The following FN1 variants were observed in gnomAD, a reference collection of about 807,000 sequenced individuals.
FN1 encodes the protein fibronectin 1, also known as fibronectin.
Under a neutral mutation model 297.3 loss-of-function variants are expected in FN1, and 106 were observed. The observed-to-expected ratio is 0.36, with a 90% confidence interval of 0.30 to 0.42. FN1 has a LOEUF of 0.42. Among genes scored for constraint, FN1 ranks in the 10% least tolerant of loss-of-function variants. The pLI, the probability that FN1 is intolerant of heterozygous loss-of-function variation, is 1.00. For missense variants in FN1, 2,690 were observed against 3,124.9 expected (o/e 0.86, Z 3.32); for synonymous variants, 1,149 against 1,152.6 (o/e 1.00, Z 0.06).
chr2:215,361,584 G>A lies in FN1; in HGVS notation c.7405C>T (p.Gln2469Ter). The A allele has an allele frequency of 6.2e-7, 1 of 1,611,986 alleles. No individual in the cohort carries two copies. Among genetic ancestry groups the A allele is most frequent in the Non-Finnish European group, 8.5e-7 (1 of 1,178,194 alleles). ...TCTCGGGAATCTTCTCTGTCAGCCT[G>A]TACATCTAAAGGCATGAAGCACTCA... ...PIECFMPLDVQADREDSRE is the reference protein window; with the variant it reads ...PIECFMPLDV The change falls in exon 46 of 46, where the codon CAG becomes TAG. Residue 2469 changes from glutamine to a stop codon, truncating the protein, a stop_gained. Coordinates refer to ENST00000354785, the MANE Select transcript of FN1 (RefSeq NM_212482.4). LOFTEE classifies it high-confidence loss of function.
At chr2:215,378,863 T>C (rs558690230) in intron 34 of FN1, among the ~76,000 whole-genome samples, 1 of 152,246 alleles carries the variant, frequency 6.6e-6, no homozygotes, top group South Asian at 2.1e-4. Flanking sequence ...ATATGTAAAT[T>C]GCCCCCCACA....
chr2:215,416,060 A>G (rs1486190441), intron 12 of FN1, among the ~76,000 whole-genome samples: 1 of 151,968 alleles, frequency 6.6e-6, no homozygotes, highest in Non-Finnish European at 1.5e-5. Flanking sequence ...AGCTTCTAGG[A>G]AAAAAAATAC....
intron 44 of FN1, among the ~76,000 whole-genome samples, chr2:215,364,137 G>A (rs2054063702): frequency 1.3e-5 from 2 of 152,216 alleles, no homozygotes; most frequent in Non-Finnish European, 2.9e-5. Context: ...GCTTGACTTT[G>A]AAATGTATGC....
intron 20 of FN1, among the ~76,000 whole-genome samples, chr2:215,401,227 A>AAGGAAGG (rs1559474709): frequency 1.0e-3 from 59 of 56,544 alleles, no homozygotes; most frequent in African/African-American, 4.0e-3. Context: ...AGAAAGAAAG[A>AAGGAAGG]AAGAAAGAAA....
rs570663505 is a variant in FN1, at chr2:215,412,348, T to A, written c.1942-2234A>T. Among the ~76,000 whole-genome samples the A allele has an allele frequency of 9.2e-5, 14 of 152,346 alleles. No individual in the cohort carries two copies. In the South Asian group the frequency reaches 2.1e-3, roughly 23 times the overall value. The stretch of plus-strand genomic sequence containing the variant: ...CTATTATTCTGGTCTTGCCTCCATG[T>A]AGACAACATGCTTACACCTCTATTT... On this transcript the variant is annotated intron_variant, in intron 13 of 45. Transcript: ENST00000354785.
intron 5 of FN1, among the ~76,000 whole-genome samples, 170 bp downstream of exon 5, chr2:215,430,545 T>C (rs2066327819): frequency 6.6e-6 from 1 of 152,214 alleles, no homozygotes; most frequent in Non-Finnish European, 1.5e-5. Context: ...TATGTAGTCT[T>C]CTCTGAAGAT....
rs1182981362 is a variant in FN1 at position 215,365,061 on chromosome 2, T to C, written c.7145-76A>G. ...AGACTTGATCTAGGGGTGGGTTCTATTTCTGTCCTAAATTTGTATCATCAC... is the reference window on the plus strand; with the variant it reads ...AGACTTGATCTAGGGGTGGGTTCTACTTCTGTCCTAAATTTGTATCATCAC... On this transcript the variant is annotated intron_variant, in intron 43 of 45. Coordinates refer to ENST00000354785, the MANE Select transcript of FN1 (RefSeq NM_212482.4). The C allele has an allele frequency of 5.4e-6, 5 of 931,828 alleles. No individual in the cohort carries two copies. The African/African-American group carries it at 6.4e-5, about 12-fold the overall frequency. The allele number at this position is 931,828 out of a possible 1,614,324, so 57.7% of individuals were successfully genotyped here.
Position 215,391,789 on chromosome 2 carries a change from T to A in FN1, c.4095A>T (p.Arg1365=), listed in dbSNP as rs745687301. 6.2e-7 allele frequency: 1 copy of A among 1,614,086 alleles called. No homozygotes were observed. Among genetic ancestry groups the A allele is most frequent in the East Asian group, 2.2e-5 (1 of 44,874 alleles). Residue 1365 remains arginine (R), a synonymous_variant, in exon 26 of 46, where the codon CGA becomes CGT. Transcript: ENST00000354785. ...TGGTGTCTGGACCAATGTTGGTGAATCGCAGGTCAGTGGGAGGAGGAACAG... is the reference window on the plus strand; with the variant it reads ...TGGTGTCTGGACCAATGTTGGTGAAACGCAGGTCAGTGGGAGGAGGAACAG... ...QTAVPPPTDL[R]FTNIGPDTMR... is the part of the protein sequence containing the mutation.
chr2:215,381,205 A>G, intron 32 of FN1, 125 bp from the exon 33 acceptor site: 1 of 924,362 alleles, frequency 1.1e-6, no homozygotes, highest in Non-Finnish European at 1.7e-6. Flanking sequence ...ACCCACTATC[A>G]AAAGGAAAAA....
At position 215,361,244 on chromosome 2, in the gene FN1, G is replaced by A. The variant is rs1230438007; in HGVS notation, c.*311C>T. ...TATCATTTCAAAACATTTGCATCTT[G>A]GTTGGCTGCATATGCTTTCCTATTG... On this transcript the variant is annotated 3_prime_UTR_variant, in exon 46 of 46. Transcript: ENST00000354785. 1 of 328,094 alleles carries A rather than the reference G, an allele frequency of 3.0e-6. No individual in the cohort carries two copies. The highest frequency in any genetic ancestry group is 5.7e-6 in the Non-Finnish European group (1 of 174,250). 20.3% of individuals were successfully genotyped at this position (328,094 alleles called of 1,614,324 possible).
rs374199702 is a variant in FN1 at position 215,388,272 on chromosome 2, T to C, written c.4282A>G (p.Ser1428Gly). The C allele has an allele frequency of 1.9e-6, 3 of 1,613,906 alleles. No homozygotes were observed. Among genetic ancestry groups the C allele is most frequent in the South Asian group, 2.2e-5 (2 of 91,084 alleles). The change falls in exon 27 of 46, where the codon AGT becomes GGT. Residue 1428 changes from serine to glycine, a missense_variant. Ser to Gly is a moderately conservative substitution (Grantham distance 56). Transcript: ENST00000354785. ...TGTTGTTCGTAGACACTGGAGACACTCACTACATATTCTGTACCAGGCAGG... is the reference window on the plus strand; with the variant it reads ...TGTTGTTCGTAGACACTGGAGACACCCACTACATATTCTGTACCAGGCAGG... ...NLLPGTEYVV[S>G]VSSVYEQHES...
intron 1 of FN1, among the ~76,000 whole-genome samples, chr2:215,435,408 G>C (rs989222416): frequency 9.2e-5 from 14 of 152,172 alleles, no homozygotes; most frequent in Admixed American, 5.9e-4. Flanking sequence ...CAATCTGAAC[G>C]TGCAGAATTT....
Position 215,409,922 on chromosome 2 carries a change from T to C in FN1, c.2122+12A>G. On this transcript the variant is annotated intron_variant, in intron 14 of 45. Transcript: ENST00000354785. ...TCGGGGGTAGGAGGCATGAGGGTGG[T>C]TGTGTACATACTGGTCACAGGTGTG... is the stretch of plus-strand genomic sequence containing the variant. 3 of 1,613,596 alleles carry C rather than the reference T, an allele frequency of 1.9e-6. No individual in the cohort carries two copies. The highest frequency in any genetic ancestry group is 2.5e-6 in the Non-Finnish European group (3 of 1,179,942).
intron 12 of FN1, among the ~76,000 whole-genome samples, chr2:215,416,091 A>T (rs1464305534): frequency 1.3e-5 from 2 of 152,192 alleles, no homozygotes; most frequent in Admixed American, 1.3e-4. Context: ...AAACTTTATT[A>T]TCTAAGCCAT....
rs35126158 is a variant in FN1, at chr2:215,386,679, G to A, written c.4612+10C>T. The A allele has an allele frequency of 6.4e-7, 1 of 1,570,266 alleles. No individual in the cohort carries two copies. The highest frequency in any genetic ancestry group is 1.8e-5 in the Admixed American group (1 of 56,258). On this transcript the variant is annotated intron_variant, in intron 28 of 45. Coordinates refer to ENST00000354785, the MANE Select transcript of FN1 (RefSeq NM_212482.4). ...GTCTTCTGAGTTTCTTTGCAGACAA[G>A]AAAAGTTACCTGTTGATTGTTGGCC...
Position 215,371,972 on chromosome 2 carries a change from G to A in FN1, c.6651C>T (p.Phe2217=), listed in dbSNP as rs774883435. 1.4e-5 allele frequency: 22 copies of A among 1,614,108 alleles called. No homozygotes were observed. In the South Asian group the frequency reaches 2.3e-4, roughly 17 times the overall value. ...AAATGATGTACTCAGAAGTGTCCTG[G>A]AATGGGGCCCATGAGATGGTTGTCT... ...LSQTTISWAP[F]QDTSEYIISC... The change falls in exon 40 of 46, where the codon TTC becomes TTT. Residue 2217 remains phenylalanine (F), a synonymous_variant. Coordinates refer to ENST00000354785, the MANE Select transcript of FN1 (RefSeq NM_212482.4).
intron 10 of FN1, chr2:215,421,264 G>A: frequency 8.6e-6 from 2 of 233,328 alleles, no homozygotes; most frequent in Non-Finnish European, 1.7e-5. Context: ...CTTAGATTTG[G>A]GAAATAAAAT....
chr2:215,421,681 T>C (rs1287876300), intron 10 of FN1, among the ~76,000 whole-genome samples: 1 of 152,248 alleles, frequency 6.6e-6, no homozygotes, highest in African/African-American at 2.4e-5. Flanking sequence ...TAGTCCCCTA[T>C]GTATTTGTTT....
At chr2:215,392,212 G>T in intron 25 of FN1, 1 of 221,670 alleles carries the variant, frequency 4.5e-6, no homozygotes, top group Non-Finnish European at 9.0e-6. Flanking sequence ...AAGACAAGAG[G>T]GTCCTAAACT....
Sources: allele counts gnomAD v4.1 joint callset (sites outside exome capture counted in the v4.1 genomes callset), GRCh38; gene constraint gnomAD v4.1.1; transcripts MANE v1.5; gene names NCBI Gene and HGNC (gene_info 2026-07-23, HGNC 2026-07-21).